Variants in SP4 observed in about 807,000 individuals in gnomAD.
The protein encoded by SP4 is transcription factor Sp4.
A neutral mutation model predicts 72.8 loss-of-function variants in SP4; 19 were observed. The ratio of observed to expected loss-of-function variants is 0.26; its 90% CI spans 0.18 to 0.38. The LOEUF (loss-of-function observed/expected upper bound fraction) is 0.38. Ranked by LOEUF, SP4 falls within the 10% of genes least tolerant of loss-of-function variation. The pLI is 1.00. For synonymous variants in SP4, 395 were observed against 333.1 expected (o/e 1.19, Z -2.02); for missense variants, 1,008 against 926.3 (o/e 1.09, Z -1.14).
intron 3 of SP4, among the ~76,000 whole-genome samples, chr7:21,461,515 G>A (rs868652787): frequency 3.9e-5 from 6 of 152,204 alleles, no homozygotes; most frequent in Admixed American, 6.5e-5. Flanking sequence ...CAGCAGGGCC[G>A]GCCGGCAGGC....
At chr7:21,461,228 C>T (rs561594702) in intron 3 of SP4, among the ~76,000 whole-genome samples, 6 of 152,250 alleles carry the variant, frequency 3.9e-5, no homozygotes, top group African/African-American at 1.4e-4. Flanking sequence ...TCGATGGGAC[C>T]GGGTGCCATG....
rs964541983 is a variant in SP4, at chr7:21,428,892, C to G, written c.123+100C>G. Reference sequence around the variant, plus strand: ...AGAAGTAACAGAATAAAATGTTTATCCACTCAAAGCATCTTTCTGAGAGTG... The same window carrying G: ...AGAAGTAACAGAATAAAATGTTTATGCACTCAAAGCATCTTTCTGAGAGTG... On this transcript the variant is annotated intron_variant, in intron 2 of 5. Transcript: ENST00000222584. 7.6e-6 allele frequency: 7 copies of G among 916,260 alleles called. No individual in the cohort carries two copies. In the African/African-American group the frequency reaches 8.4e-5, roughly 11 times the overall value. The allele number at this position is 916,260 out of a possible 1,614,324, so 56.8% of individuals were successfully genotyped here. A position where few individuals can be genotyped will look rare whatever the true frequency, so the allele number is the denominator to read the frequency against.
intron 3 of SP4, among the ~76,000 whole-genome samples, chr7:21,442,859 C>A (rs1332685713): frequency 6.6e-6 from 1 of 152,164 alleles, no homozygotes; most frequent in East Asian, 1.9e-4. Context: ...CCTCAGCCTC[C>A]TGAGTAGCTG....
chr7:21,464,122 CTT>C (rs995083942), intron 3 of SP4, among the ~76,000 whole-genome samples: 5 of 127,328 alleles, frequency 3.9e-5, no homozygotes, highest in African/African-American at 6.0e-5. Flanking sequence ...AGGGCGCTCT[CTT>C]TTTTTTTTTT....
intron 3 of SP4, among the ~76,000 whole-genome samples, chr7:21,441,735 A>G (rs1212240570): frequency 2.6e-5 from 4 of 152,212 alleles, no homozygotes; most frequent in African/African-American, 9.6e-5. Context: ...GTTACTAAAT[A>G]TAAAAAACAG....
intron 5 of SP4, among the ~76,000 whole-genome samples, chr7:21,506,109 C>T (rs752132975): frequency 1.3e-5 from 2 of 152,108 alleles, no homozygotes; most frequent in Admixed American, 6.6e-5. Flanking sequence ...GAACAAGTGA[C>T]GCCTCAATTT....
chr7:21,428,772 C>T lies in SP4; in HGVS notation c.103C>T (p.Pro35Ser), dbSNP rs1205199203. 3 of 1,550,732 alleles carry T rather than the reference C, an allele frequency of 1.9e-6. No homozygotes were observed. The highest frequency in any genetic ancestry group is 2.0e-5 in the Admixed American group (1 of 50,616). ...TSEPENNNKK[P>S]KTSGSQDSQP... Reference sequence around the variant, plus strand: ...TGAGCCAGAGAATAACAATAAAAAACCCAAAACCTCAGGCTCCCAGGTAAA... The same window carrying T: ...TGAGCCAGAGAATAACAATAAAAAATCCAAAACCTCAGGCTCCCAGGTAAA... The change falls in exon 2 of 6, where the codon CCC (proline) becomes TCC (serine). Residue 35 changes from proline (P) to serine (S), a missense_variant. Physicochemically the swap from Pro to Ser is moderately conservative, Grantham distance 74. Around this residue, in one of 3 missense-constraint regions of SP4, gnomAD observed 893 missense variants for 743.3 expected, o/e 1.20. Transcript: ENST00000222584.
intron 5 of SP4, chr7:21,482,565 A>G (rs1784715539): frequency 3.3e-6 from 2 of 602,320 alleles, no homozygotes; most frequent in Non-Finnish European, 4.2e-6. Context: ...CTCAGTCAGA[A>G]TGGTCAGTTG....
At chr7:21,467,127 G>A (rs1442391870) in intron 3 of SP4, among the ~76,000 whole-genome samples, 1 of 152,026 alleles carries the variant, frequency 6.6e-6, no homozygotes, top group Non-Finnish European at 1.5e-5. Context: ...TTTGGGGTCT[G>A]TTTTGTGCAT....
chr7:21,454,724 A>G (rs951055561), intron 3 of SP4, among the ~76,000 whole-genome samples: 2 of 152,188 alleles, frequency 1.3e-5, no homozygotes, highest in Non-Finnish European at 2.9e-5. Flanking sequence ...GGCTCTCTCT[A>G]AACCTCTGAG....
At position 21,428,176 on chromosome 7, in the gene SP4, T is replaced by TCCCCCCCCCC; in HGVS notation, c.-74_-73insCCCCCCCCCC. On this transcript the variant is annotated 5_prime_UTR_variant, in exon 1 of 6. Transcript: ENST00000222584. ...ACCGCGGGCGGGCGGGACCGGCCTC[T>TCCCCCCCCCC]CCTCCCGCCTCGCCCCCACCCCCAC... 1.4e-6 allele frequency: 1 copy of TCCCCCCCCCC among 718,778 alleles called. No homozygotes were observed. Among genetic ancestry groups the TCCCCCCCCCC allele is most frequent in the South Asian group, 1.5e-5 (1 of 68,074 alleles). The allele number at this position is 718,778 out of a possible 1,614,324, so 44.5% of individuals were successfully genotyped here. A position where few individuals can be genotyped will look rare whatever the true frequency, so the allele number is the denominator to read the frequency against.
At position 21,428,176 on chromosome 7, in the gene SP4, T is replaced by TCCAACCCCCC; in HGVS notation, c.-74_-73insAACCCCCCCC. On this transcript the variant is annotated 5_prime_UTR_variant, in exon 1 of 6. Coordinates refer to ENST00000222584, the MANE Select transcript of SP4 (RefSeq NM_003112.5). ...ACCGCGGGCGGGCGGGACCGGCCTCTCCTCCCGCCTCGCCCCCACCCCCAC... is the reference window on the plus strand; with the variant it reads ...ACCGCGGGCGGGCGGGACCGGCCTCTCCAACCCCCCCCTCCCGCCTCGCCCCCACCCCCAC... The TCCAACCCCCC allele has an allele frequency of 2.8e-6, 2 of 718,776 alleles. No individual in the cohort carries two copies. Among genetic ancestry groups the TCCAACCCCCC allele is most frequent in the Middle Eastern group, 2.6e-4 (1 of 3,828 alleles). 44.5% of individuals were successfully genotyped at this position (718,776 alleles called of 1,614,324 possible).
intron 3 of SP4, among the ~76,000 whole-genome samples, chr7:21,456,003 A>G (rs1050480637): frequency 2.6e-5 from 4 of 152,176 alleles, no homozygotes; most frequent in African/African-American, 9.7e-5. Context: ...CATGGAAGTA[A>G]TTCGTGAAAT....
chr7:21,433,773 T>C (rs769629546), intron 3 of SP4, among the ~76,000 whole-genome samples: 1 of 152,086 alleles, frequency 6.6e-6, no homozygotes, highest in Non-Finnish European at 1.5e-5. Context: ...AAACCCTGTC[T>C]CTACTAAAAA....
chr7:21,430,877 A>G lies in SP4; in HGVS notation c.1678+34A>G, dbSNP rs1391601015. 4.9e-6 allele frequency: 7 copies of G among 1,437,918 alleles called. No individual in the cohort carries two copies. The Admixed American group carries it at 1.2e-4, about 24-fold the overall frequency. The allele number at this position is 1,437,918 out of a possible 1,614,324, so 89.1% of individuals were successfully genotyped here. A position where few individuals can be genotyped will look rare whatever the true frequency, so the allele number is the denominator to read the frequency against. ...TGACATCTTTTTAAGTACCTTTTAA[A>G]TAGTTTTTCATAACAATTATTGCTT... is the stretch of plus-strand genomic sequence containing the variant. On this transcript the variant is annotated intron_variant, in intron 3 of 5. Coordinates refer to ENST00000222584, the MANE Select transcript of SP4 (RefSeq NM_003112.5).
chr7:21,450,467 A>G (rs975361737), intron 3 of SP4, among the ~76,000 whole-genome samples: 5 of 152,060 alleles, frequency 3.3e-5, no homozygotes, highest in Admixed American at 6.6e-5. Flanking sequence ...GGGCCTTCAT[A>G]TAAGTATTGG....
In SP4 at chr7:21,470,997, CTT is replaced by C. The variant is rs57242666; in HGVS notation, c.1679-6079_1679-6078del. The C allele has an allele frequency of 8.4e-3, 4,418 of 523,834 alleles. 157 individuals are homozygous for C. The highest frequency in any genetic ancestry group is 0.075 in the African/African-American group (3,872 of 51,578). The allele number at this position is 523,834 out of a possible 1,614,324, so 32.4% of individuals were successfully genotyped here. A position where few individuals can be genotyped will look rare whatever the true frequency, so the allele number is the denominator to read the frequency against. On this transcript the variant is annotated intron_variant, in intron 3 of 5. Coordinates refer to ENST00000222584, the MANE Select transcript of SP4 (RefSeq NM_003112.5). ...GACTAAAATCTGTAAGATGAATAGA[CTT>C]TTGTCAGACCAAGGGAGATGGAGGT... is the stretch of plus-strand genomic sequence containing the variant.
chr7:21,454,789 G>T (rs1051896204), intron 3 of SP4, among the ~76,000 whole-genome samples: 10 of 152,294 alleles, frequency 6.6e-5, no homozygotes, highest in Admixed American at 5.2e-4. Context: ...TTTCTGAAGA[G>T]AAATGGGGCT....
intron 5 of SP4, among the ~76,000 whole-genome samples, chr7:21,507,648 C>T (rs937185050): frequency 3.9e-5 from 6 of 152,162 alleles, no homozygotes; most frequent in African/African-American, 1.4e-4. Flanking sequence ...AAGCTTGGCA[C>T]ACCTAATTTT....
Sources: gnomAD v4.1 joint callset for allele counts (sites outside exome capture counted in the v4.1 genomes callset) on GRCh38, gnomAD v4.1.1 for gene constraint, gnomAD v4.1.1 regional missense constraint, MANE v1.5 for transcripts, NCBI Gene and HGNC (gene_info 2026-07-23, HGNC 2026-07-21) for gene names.